Variants in C1QTNF3 observed in about 807,000 individuals in gnomAD.
C1QTNF3 encodes C1q and TNF related 3.
Under a neutral mutation model 32.6 loss-of-function variants are expected in C1QTNF3, and 26 were observed. The observed-to-expected ratio is 0.80, with a 90% CI of 0.58 to 1.11. The LOEUF is 1.11. Among genes scored for constraint, C1QTNF3 ranks in the 50% least tolerant of loss-of-function variants. The pLI, the probability that C1QTNF3 is intolerant of heterozygous loss-of-function variation, is 0.00. For synonymous variants in C1QTNF3, 155 were observed against 146.0 expected (o/e 1.06, Z -0.44); for missense variants, 362 against 398.2 (o/e 0.91, Z 0.77).
At chr5:34,218,847 A>C in the C1QTNF3 span, among the ~76,000 whole-genome samples, 1 of 152,100 alleles carries the variant, frequency 6.6e-6, no homozygotes, top group East Asian at 1.9e-4. Flanking sequence ...GCTTACATTA[A>C]GCAAAAAAGT....
the C1QTNF3 span, among the ~76,000 whole-genome samples, chr5:34,210,049 G>C: frequency 6.6e-6 from 1 of 152,006 alleles, no homozygotes; most frequent in African/African-American, 2.4e-5. Flanking sequence ...TTGATGCACA[G>C]AGGAATGAAT....
the C1QTNF3 span, among the ~76,000 whole-genome samples, chr5:34,089,429 G>A: frequency 6.6e-6 from 1 of 152,122 alleles, no homozygotes. Flanking sequence ...TAAATGGTAT[G>A]AATGGAATTG....
the C1QTNF3 span, among the ~76,000 whole-genome samples, chr5:34,239,688 T>C: frequency 2.0e-5 from 3 of 152,160 alleles, no homozygotes; most frequent in East Asian, 1.9e-4. Flanking sequence ...CCAATAATTG[T>C]AGGAGACTTC....
chr5:34,218,314 G>T, the C1QTNF3 span: 1 of 150,810 alleles, frequency 6.6e-6, no homozygotes, highest in East Asian at 2.0e-4. Flanking sequence ...AATAGTCTAA[G>T]GCTGGTTTTA....
At chr5:34,232,263 T>G in the C1QTNF3 span, among the ~76,000 whole-genome samples, 3 of 152,302 alleles carry the variant, frequency 2.0e-5, no homozygotes, top group African/African-American at 2.4e-5. Context: ...TTTTACAGGC[T>G]TATAGGCAGA....
chr5:34,225,742 A>T, the C1QTNF3 span, among the ~76,000 whole-genome samples: 1 of 151,678 alleles, frequency 6.6e-6, no homozygotes, highest in Admixed American at 6.6e-5. Flanking sequence ...TTTCCACCTG[A>T]TCTTAATTAT....
chr5:34,073,593 A>G, the C1QTNF3 span, among the ~76,000 whole-genome samples: 161 of 152,336 alleles, frequency 1.1e-3, 1 homozygote, highest in African/African-American at 3.6e-3. Context: ...TTTCTCAGAC[A>G]AGAGCAAAAT....
At chr5:34,084,282 T>A in the C1QTNF3 span, among the ~76,000 whole-genome samples, 2 of 151,816 alleles carry the variant, frequency 1.3e-5, no homozygotes, top group African/African-American at 4.9e-5. Context: ...GATCTCTATA[T>A]GTCTGAAATC....
At chr5:34,056,442 G>GTA in the C1QTNF3 span, among the ~76,000 whole-genome samples, 3 of 52,104 alleles carry the variant, frequency 5.8e-5, no homozygotes, top group African/African-American at 7.7e-5. Flanking sequence ...GTGTGTGTGT[G>GTA]TGTGTGTGTG....
At chr5:34,102,219 T>C in the C1QTNF3 span, among the ~76,000 whole-genome samples, 10 of 151,900 alleles carry the variant, frequency 6.6e-5, no homozygotes, top group African/African-American at 1.5e-4. Context: ...GCCATTGTAA[T>C]GGGAAGCATG....
chr5:34,087,515 T>C, the C1QTNF3 span, among the ~76,000 whole-genome samples: 1 of 151,160 alleles, frequency 6.6e-6, no homozygotes, highest in Non-Finnish European at 1.5e-5. Flanking sequence ...TTGTATAAGA[T>C]ATCTGAGAAG....
the C1QTNF3 span, among the ~76,000 whole-genome samples, chr5:34,067,777 TGGA>T: frequency 6.6e-6 from 1 of 152,210 alleles, no homozygotes; most frequent in East Asian, 1.9e-4. Flanking sequence ...GAAACAAATT[TGGA>T]GAATATGTTG....
At chr5:34,046,671 TAAGTC>T (rs1469568490), upstream of C1QTNF3, among the ~76,000 whole-genome samples, 1 of 152,188 alleles carries the variant, frequency 6.6e-6, no homozygotes, top group African/African-American at 2.4e-5. Context: ...TTTCACTGTT[TAAGTC>T]ATCTCATTTG....
At chr5:34,067,094 G>C in the C1QTNF3 span, among the ~76,000 whole-genome samples, 9 of 152,194 alleles carry the variant, frequency 5.9e-5, no homozygotes, top group Admixed American at 2.0e-4. Flanking sequence ...AGTCACATTT[G>C]CTCCAGTTCC....
chr5:34,020,555 C>T lies in C1QTNF3; in HGVS notation c.*28G>A. On this transcript the variant is annotated 3_prime_UTR_variant, in exon 6 of 6. Transcript: ENST00000382065. Reference sequence around the variant, plus strand: ...AAATCAGCTCAGCTACAAGTCTTCCCCAAAGTGGAGCTATTCTAGTCATAT... The same window carrying T: ...AAATCAGCTCAGCTACAAGTCTTCCTCAAAGTGGAGCTATTCTAGTCATAT... 1 of 1,603,914 alleles carries T rather than the reference C, an allele frequency of 6.2e-7. No homozygotes were observed. Among genetic ancestry groups the T allele is most frequent in the Non-Finnish European group, 8.5e-7 (1 of 1,172,162 alleles).
chr5:34,091,914 C>G, the C1QTNF3 span, among the ~76,000 whole-genome samples: 2 of 139,870 alleles, frequency 1.4e-5, no homozygotes, highest in Non-Finnish European at 3.2e-5. Flanking sequence ...ATCTCTCAGA[C>G]CAAAATCATT....
At chr5:34,176,216 A>G in the C1QTNF3 span, among the ~76,000 whole-genome samples, 2 of 138,746 alleles carry the variant, frequency 1.4e-5, no homozygotes, top group South Asian at 2.4e-4. Context: ...GATCACATGG[A>G]CACAGGAAGG....
the C1QTNF3 span, among the ~76,000 whole-genome samples, chr5:34,205,291 T>C: frequency 6.6e-6 from 1 of 152,224 alleles, no homozygotes; most frequent in Non-Finnish European, 1.5e-5. Context: ...TTAGAGGTAG[T>C]GACATCAGTA....
chr5:34,175,681 T>C, the C1QTNF3 span: 1 of 605,840 alleles, frequency 1.7e-6, no homozygotes, highest in South Asian at 2.0e-5. Context: ...TCCTAGGAAA[T>C]TCTCAACACA....
Sources: gnomAD v4.1 joint callset for allele counts (sites outside exome capture counted in the v4.1 genomes callset) on GRCh38, gnomAD v4.1.1 for gene constraint, MANE v1.5 for transcripts, NCBI Gene and HGNC (gene_info 2026-07-23, HGNC 2026-07-21) for gene names.